SHANK1: variants seen among roughly 807,000 people sequenced by gnomAD.
SHANK1 encodes SH3 and multiple ankyrin repeat domains protein 1.
A neutral mutation model predicts 165.6 loss-of-function variants in SHANK1; 35 were observed. That is an observed-to-expected ratio of 0.21 (90% CI 0.16 to 0.28). SHANK1 has a LOEUF of 0.28. Ranked by LOEUF, SHANK1 falls within the 10% of genes least tolerant of loss-of-function variation. The pLI, the probability that SHANK1 is intolerant of heterozygous loss-of-function variation, is 1.00. For synonymous variants in SHANK1, 1,428 were observed against 1,384.8 expected (o/e 1.03, Z -0.69); for missense variants, 2,681 against 3,036.4 (o/e 0.88, Z 2.75).
rs374374552 is a variant in SHANK1, at chr19:50,666,427, C to T, written c.5533G>A (p.Gly1845Ser). 24 of 1,610,786 alleles carry T rather than the reference C, an allele frequency of 1.5e-5. No homozygotes were observed. The African/African-American group carries it at 2.9e-4, about 20-fold the overall frequency. ...RKLLPWEEGP[G>S]PPPPPLPGPL... ...CCGGGCAGAGGTGGTGGCGGTGGGCCCGGGCCCTCCTCCCAGGGCAGCAGC... is the reference window on the plus strand; with the variant it reads ...CCGGGCAGAGGTGGTGGCGGTGGGCTCGGGCCCTCCTCCCAGGGCAGCAGC... Residue 1845 changes from glycine to serine, a missense_variant, in exon 23 of 24, where the codon GGC becomes AGC. Transcript: ENST00000293441.
At chr19:50,711,876 G>A (rs2089014498) in intron 7 of SHANK1, 71 bp downstream of exon 7, 2 of 1,566,730 alleles carry the variant, frequency 1.3e-6, no homozygotes, top group Non-Finnish European at 8.7e-7. Flanking sequence ...CTGGTTCCCA[G>A]CCCCAGCCCC....
intron 15 of SHANK1, among the ~76,000 whole-genome samples, chr19:50,694,563 G>C (rs1468408393): frequency 8.3e-6 from 1 of 120,938 alleles, no homozygotes; most frequent in East Asian, 3.0e-4. Flanking sequence ...GGTTTAGGGG[G>C]CCTGCTGGGA....
chr19:50,714,309 G>A lies in SHANK1; in HGVS notation c.532-19C>T. ...ACCCCGTCTGAGCCATGGGCAAAGAGAGAGAAGACAGGACAGTCAGGAGCA... is the reference window on the plus strand; with the variant it reads ...ACCCCGTCTGAGCCATGGGCAAAGAAAGAGAAGACAGGACAGTCAGGAGCA... On this transcript the variant is annotated intron_variant, in intron 4 of 23. Transcript: ENST00000293441. The A allele has an allele frequency of 1.2e-6, 2 of 1,609,244 alleles. No homozygotes were observed. Among genetic ancestry groups the A allele is most frequent in the Non-Finnish European group, 1.7e-6 (2 of 1,175,890 alleles).
Position 50,680,665 on chromosome 19 carries a change from T to A in SHANK1, c.2577+5572A>T, listed in dbSNP as rs112473843. On this transcript the variant is annotated intron_variant, in intron 21 of 23. Transcript: ENST00000293441. The stretch of plus-strand genomic sequence containing the variant: ...CCTTAGATAGTGGCATCTTTTTTTT[T>A]TTTTCCCCGAGACAGAATCGCACCC... Among the ~76,000 whole-genome samples, 3 of 151,632 alleles carry A rather than the reference T, an allele frequency of 2.0e-5. No homozygotes were observed. The East Asian group carries it at 5.8e-4, about 29-fold the overall frequency.
At position 50,713,400 on chromosome 19, in the gene SHANK1, G is replaced by A. The variant is rs2089031507; in HGVS notation, c.792+398C>T. Among the ~76,000 whole-genome samples the A allele has an allele frequency of 6.6e-6, 1 of 151,998 alleles. No homozygotes were observed. The highest frequency in any genetic ancestry group is 2.4e-5 in the African/African-American group (1 of 41,362). ...CAGTGCTGGTTTGGAAGGGTAGCTG[G>A]GGGGCTGTTTTCAGGGTGTGTGTGG... On this transcript the variant is annotated intron_variant, in intron 6 of 23. Coordinates refer to ENST00000293441, the MANE Select transcript of SHANK1 (RefSeq NM_016148.5). This position sits in a 1 kb window ranked among gnomAD's most constrained non-coding sequence, Gnocchi z 6.2.
chr19:50,704,820 G>A (rs1479457784), intron 8 of SHANK1, among the ~76,000 whole-genome samples: 2 of 150,928 alleles, frequency 1.3e-5, no homozygotes, highest in Admixed American at 6.6e-5. Flanking sequence ...GTAATCCTAA[G>A]ACTGTGGGAG....
At position 50,716,989 on chromosome 19, in the gene SHANK1, A is replaced by T; in HGVS notation, c.-43-27T>A. Reference sequence around the variant, plus strand: ...TGCAGGGGCCAAGGGCGGCCATCAGACTAGGAGCCCGGGACCCCTCAGAGG... The same window carrying T: ...TGCAGGGGCCAAGGGCGGCCATCAGTCTAGGAGCCCGGGACCCCTCAGAGG... On this transcript the variant is annotated intron_variant, in intron 1 of 23. Coordinates refer to ENST00000293441, the MANE Select transcript of SHANK1 (RefSeq NM_016148.5). The surrounding 1 kb of genome is among the most constrained non-coding windows in gnomAD (Gnocchi z 8.4). 7.2e-7 allele frequency: 1 copy of T among 1,386,850 alleles called. No individual in the cohort carries two copies. Among genetic ancestry groups the T allele is most frequent in the South Asian group, 1.7e-5 (1 of 57,446 alleles). The allele number at this position is 1,386,850 out of a possible 1,614,324, so 85.9% of individuals were successfully genotyped here.
In SHANK1 at chr19:50,687,929, T is replaced by C. The variant is rs1250300397; in HGVS notation, c.2302A>G (p.Lys768Glu). Residue 768 changes from lysine (K) to glutamate (E), a missense_variant, in exon 18 of 24, where the codon AAG becomes GAG. By Grantham distance (56) the Lys-to-Glu change is moderately conservative. Around this residue, in one of 10 missense-constraint regions of SHANK1, gnomAD observed 206 missense variants for 216.0 expected, o/e 0.95. Coordinates refer to ENST00000293441, the MANE Select transcript of SHANK1 (RefSeq NM_016148.5). ...AGAGTGGCCGCAGGAGCACCTTTCT[T>C]GTGCACTGCCTCATCCATGTCCGGG... ...RHPDMDEAVHKKAPQQAKRLP... is the reference protein window; with the variant it reads ...RHPDMDEAVHEKAPQQAKRLP... 2 of 1,614,036 alleles carry C rather than the reference T, an allele frequency of 1.2e-6. No homozygotes were observed. The highest frequency in any genetic ancestry group is 1.7e-6 in the Non-Finnish European group (2 of 1,179,944).
rs369012624 is a variant in SHANK1 at position 50,662,564 on chromosome 19, C to T, written c.5887G>A (p.Ala1963Thr). Residue 1963 changes from alanine to threonine, a missense_variant, in exon 24 of 24, where the codon GCT (alanine) becomes ACT (threonine). Transcript: ENST00000293441. This position sits in a 1 kb window ranked among gnomAD's most constrained non-coding sequence, Gnocchi z 7.7. ...PTGTGVSPTAAAAPGATSPSA... is the reference protein window; with the variant it reads ...PTGTGVSPTATAAPGATSPSA... Reference sequence around the variant, plus strand: ...GGTGAGGTGGCCCCTGGGGCCGCAGCGGCTGTAGGGGAGACCCCTGTTCCG... The same window carrying T: ...GGTGAGGTGGCCCCTGGGGCCGCAGTGGCTGTAGGGGAGACCCCTGTTCCG... The T allele has an allele frequency of 4.6e-5, 72 of 1,562,292 alleles. No individual in the cohort carries two copies. The highest frequency in any genetic ancestry group is 3.4e-4 in the Middle Eastern group (2 of 5,892).
In SHANK1 at chr19:50,716,851, GC is replaced by G; in HGVS notation, c.68del (p.Gly23AlafsTer50). On this transcript the variant is annotated frameshift_variant, in exon 2 of 24. Transcript: ENST00000293441. LOFTEE classifies it high-confidence loss of function. The surrounding 1 kb of genome is among the most constrained non-coding windows in gnomAD (Gnocchi z 8.4). Reference protein sequence around the residue: ...RHSASECPEGGSESDSSPDGP... With the variant: ...RHSASECPEGXSESDSSPDGP... ...CGTCTGGGGAGCTGTCGGACTCTGAGCCCCCCTCGGGACACTCGCTGGCACT... is the reference window on the plus strand; with the variant it reads ...CGTCTGGGGAGCTGTCGGACTCTGAGCCCCCTCGGGACACTCGCTGGCACT... 1 of 1,539,796 alleles carries G rather than the reference GC, an allele frequency of 6.5e-7. No homozygotes were observed. Among genetic ancestry groups the G allele is most frequent in the Non-Finnish European group, 8.7e-7 (1 of 1,146,500 alleles).
At chr19:50,666,091 C>A in intron 23 of SHANK1, 101 bp downstream of exon 23, 1 of 1,173,588 alleles carries the variant, frequency 8.5e-7, no homozygotes, top group Non-Finnish European at 1.2e-6. Context: ...CTCCTGCCAA[C>A]CTGGTTTCTG....
chr19:50,699,266 G>C (rs533922300), intron 12 of SHANK1, among the ~76,000 whole-genome samples: 201 of 152,374 alleles, frequency 1.3e-3, no homozygotes, highest in Non-Finnish European at 1.7e-3. Context: ...GTTAGTGCCA[G>C]TCATGAGTCA....
chr19:50,716,508 G>A lies in SHANK1; in HGVS notation c.256-30C>T, dbSNP rs1223112579. ...TTGGGGAAGAGATAGGGGCTAGGGT[G>A]GGCCAGGGGCCAGAGGAGAGCCTGA... On this transcript the variant is annotated intron_variant, in intron 2 of 23. Coordinates refer to ENST00000293441, the MANE Select transcript of SHANK1 (RefSeq NM_016148.5). This position sits in a 1 kb window ranked among gnomAD's most constrained non-coding sequence, Gnocchi z 8.4. 1.2e-6 allele frequency: 2 copies of A among 1,610,870 alleles called. No homozygotes were observed. Among genetic ancestry groups the A allele is most frequent in the East Asian group, 4.5e-5 (2 of 44,822 alleles).
Position 50,702,642 on chromosome 19 carries a change from C to A in SHANK1, c.1572G>T (p.Arg524=). 1 of 1,573,782 alleles carries A rather than the reference C, an allele frequency of 6.4e-7. No individual in the cohort carries two copies. Among genetic ancestry groups the A allele is most frequent in the East Asian group, 2.3e-5 (1 of 42,946 alleles). ...CCCCCGTGCCCCCGGCTGGCCCTTC[C>A]CGGGGTGTCCCGCTGGAGCTGCGTA... ...RGRPSSSGTP[R]EGPAGGTGGS... The change falls in exon 12 of 24, where the codon CGG becomes CGT. Residue 524 remains arginine, a synonymous_variant. Coordinates refer to ENST00000293441, the MANE Select transcript of SHANK1 (RefSeq NM_016148.5). This position sits in a 1 kb window ranked among gnomAD's most constrained non-coding sequence, Gnocchi z 5.3.
intron 23 of SHANK1, among the ~76,000 whole-genome samples, chr19:50,665,218 G>C (rs567212792): frequency 5.4e-4 from 82 of 152,172 alleles, no homozygotes; most frequent in Non-Finnish European, 1.0e-3. Flanking sequence ...TTAAGCCCAG[G>C]AGTTTGAAAC....
In SHANK1 at chr19:50,711,043, A is replaced by G. The variant is rs577641639; in HGVS notation, c.1077+328T>C. On this transcript the variant is annotated intron_variant, in intron 8 of 23. Coordinates refer to ENST00000293441, the MANE Select transcript of SHANK1 (RefSeq NM_016148.5). Reference sequence around the variant, plus strand: ...GATGTGGGCTCCCGCAGGGATCTGGATTCCCTGTGACTTTGCTCTGAGCAC... The same window carrying G: ...GATGTGGGCTCCCGCAGGGATCTGGGTTCCCTGTGACTTTGCTCTGAGCAC... The G allele has an allele frequency of 1.9e-4, 44 of 237,572 alleles. No individual in the cohort carries two copies. The South Asian group carries it at 3.2e-3, about 18-fold the overall frequency. The allele number at this position is 237,572 out of a possible 1,614,324, so 14.7% of individuals were successfully genotyped here.
Position 50,659,451 on chromosome 19 carries a change from G to A in SHANK1, c.*2514C>T. 4.1e-6 allele frequency: 1 copy of A among 242,754 alleles called. No homozygotes were observed. Among genetic ancestry groups the A allele is most frequent in the Non-Finnish European group, 7.8e-6 (1 of 127,698 alleles). The allele number at this position is 242,754 out of a possible 1,614,324, so 15.0% of individuals were successfully genotyped here. A position where few individuals can be genotyped will look rare whatever the true frequency, so the allele number is the denominator to read the frequency against. The stretch of plus-strand genomic sequence containing the variant: ...ACGCCTGGGTCCCAATCCCTTGAGG[G>A]ATGAACTGAAGCCCGCGAAAGGGAA... On this transcript the variant is annotated 3_prime_UTR_variant, in exon 24 of 24. Transcript: ENST00000293441.
intron 21 of SHANK1, among the ~76,000 whole-genome samples, chr19:50,680,429 C>T (rs1041300351): frequency 3.3e-5 from 5 of 152,000 alleles, no homozygotes; most frequent in Admixed American, 2.0e-4. Context: ...AGCCCTCGGG[C>T]ATCAGTGGCG....
chr19:50,696,833 G>C (rs1986756685), intron 15 of SHANK1, among the ~76,000 whole-genome samples: 1 of 152,016 alleles, frequency 6.6e-6, no homozygotes, highest in Non-Finnish European at 1.5e-5. Context: ...GAGAAGCACA[G>C]ATGTGCAGAG....
Sources: gnomAD v4.1 joint callset for allele counts (sites outside exome capture counted in the v4.1 genomes callset) on GRCh38, gnomAD v4.1.1 for gene constraint, gnomAD v4.1.1 regional missense constraint, Gnocchi (gnomAD v3.1) non-coding constraint, MANE v1.5 for transcripts, NCBI Gene and HGNC (gene_info 2026-07-23, HGNC 2026-07-21) for gene names.